Variants in CPSF7 observed in about 807,000 individuals in gnomAD.
The protein encoded by CPSF7 is cleavage and polyadenylation specificity factor subunit 7.
CPSF7 carries 1 observed loss-of-function variant against 44.3 expected under a neutral mutation model. That is an observed-to-expected ratio of 0.02 (90% CI 0.01 to 0.11). The LOEUF (loss-of-function observed/expected upper bound fraction) is 0.11, where lower values mean the gene tolerates loss of function less well. Among genes scored for constraint, CPSF7 ranks in the 10% least tolerant of loss-of-function variants. The pLI is 1.00. For synonymous variants in CPSF7, 202 were observed against 222.0 expected (o/e 0.91, Z 0.80); for missense variants, 443 against 607.2 (o/e 0.73, Z 2.84).
At chr11:61,412,100 C>T (rs1859905365) in intron 7 of CPSF7, among the ~76,000 whole-genome samples, 163 bp from the exon 8 acceptor site, 1 of 152,140 alleles carries the variant, frequency 6.6e-6, no homozygotes, top group Non-Finnish European at 1.5e-5. Context: ...CTGGATGACA[C>T]CTATATTCCA....
intron 7 of CPSF7, among the ~76,000 whole-genome samples, chr11:61,412,453 C>A (rs950760106): frequency 3.3e-5 from 5 of 152,222 alleles, no homozygotes; most frequent in African/African-American, 9.6e-5. Flanking sequence ...CCACACCCAG[C>A]TAATGTTTTG....
At chr11:61,414,655 G>T (rs1860151404) in intron 7 of CPSF7, among the ~76,000 whole-genome samples, 1 of 152,206 alleles carries the variant, frequency 6.6e-6, no homozygotes, top group Non-Finnish European at 1.5e-5. Flanking sequence ...TTACATTCAT[G>T]TAGGAAACTC....
chr11:61,417,984 G>A (rs1039288843), intron 5 of CPSF7, among the ~76,000 whole-genome samples: 2 of 152,184 alleles, frequency 1.3e-5, no homozygotes, highest in South Asian at 4.1e-4. Context: ...GAAGTAGAAC[G>A]TTACCCCCAA....
Position 61,403,635 on chromosome 11 carries a change from G to A in CPSF7, c.*1075C>T, listed in dbSNP as rs1025830479. 1 of 152,168 alleles carries A rather than the reference G, an allele frequency of 6.6e-6. No individual in the cohort carries two copies. Among genetic ancestry groups the A allele is most frequent in the Non-Finnish European group, 1.5e-5 (1 of 68,042 alleles). 9.4% of individuals were successfully genotyped at this position (152,168 alleles called of 1,614,324 possible). A position where few individuals can be genotyped will look rare whatever the true frequency, so the allele number is the denominator to read the frequency against. ...TGACTTTACCTGCCTACTAGTGCCA[G>A]GTTATCCCACAATAAGTAAAAGTAT... On this transcript the variant is annotated 3_prime_UTR_variant, in exon 10 of 10. Coordinates refer to ENST00000439958, the MANE Select transcript of CPSF7 (RefSeq NM_001142565.3).
At chr11:61,421,336 C>A in intron 3 of CPSF7, 54 bp downstream of exon 3, 1 of 1,443,956 alleles carries the variant, frequency 6.9e-7, no homozygotes, top group Non-Finnish European at 9.7e-7. Flanking sequence ...GCCATCACCT[C>A]CCAGTGCTCT....
intron 2 of CPSF7, chr11:61,427,469 A>G (rs1162470716): frequency 6.6e-6 from 1 of 152,094 alleles, no homozygotes; most frequent in Admixed American, 6.6e-5. Context: ...CCTGGCCAAC[A>G]TGGTGAAACC....
chr11:61,416,081 T>C, intron 6 of CPSF7, 24 bp downstream of exon 6: 1 of 1,488,784 alleles, frequency 6.7e-7, no homozygotes, highest in Non-Finnish European at 8.9e-7. Flanking sequence ...CTGGCTCAAA[T>C]CTGAAAGGAA....
At chr11:61,410,853 T>C in intron 9 of CPSF7, 85 bp downstream of exon 9, 1 of 1,384,316 alleles carries the variant, frequency 7.2e-7, no homozygotes, top group Non-Finnish European at 9.7e-7. Context: ...GCATTTACTT[T>C]TGCTTTAAAG....
rs1463850199 is a variant in CPSF7, at chr11:61,421,393, G to C, written c.270C>G (p.Ser90=). The C allele has an allele frequency of 3.7e-6, 6 of 1,613,872 alleles. No individual in the cohort carries two copies. The highest frequency in any genetic ancestry group is 5.1e-6 in the Non-Finnish European group (6 of 1,179,800). Residue 90 remains serine, a synonymous_variant, in exon 3 of 10, where the codon TCC becomes TCG. Coordinates refer to ENST00000439958, the MANE Select transcript of CPSF7 (RefSeq NM_001142565.3). ...ATTTTTGGTTACCCACACTCACCCA[G>C]GAGAAGCTGCCCACATAAACGGCAG... ...RRAAVYVGSF[S]WWTTDQQLIQ...
At position 61,411,124 on chromosome 11, in the gene CPSF7, A is replaced by C. The variant is rs1490124325; in HGVS notation, c.1227-19T>G. 3 of 1,592,974 alleles carry C rather than the reference A, an allele frequency of 1.9e-6. No individual in the cohort carries two copies. Among genetic ancestry groups the C allele is most frequent in the Non-Finnish European group, 2.6e-6 (3 of 1,172,354 alleles). ...TCTTTTCCTATTAGAAAGATCCTTC[A>C]GCCTCACTCAGAAGGCCTACCACTT... On this transcript the variant is annotated intron_variant, in intron 8 of 9. Coordinates refer to ENST00000439958, the MANE Select transcript of CPSF7 (RefSeq NM_001142565.3).
chr11:61,406,751 T>C (rs1859364482), intron 9 of CPSF7, among the ~76,000 whole-genome samples: 1 of 152,216 alleles, frequency 6.6e-6, no homozygotes, highest in African/African-American at 2.4e-5. Context: ...TTTTTATTAC[T>C]ATTTTTTTTG....
chr11:61,415,199 C>T (rs536372771), intron 7 of CPSF7, among the ~76,000 whole-genome samples: 1 of 152,324 alleles, frequency 6.6e-6, no homozygotes, highest in South Asian at 2.1e-4. Flanking sequence ...GATTGCACCA[C>T]TGCACTCCAG....
intron 3 of CPSF7, 21 bp from the exon 4 acceptor site, chr11:61,420,594 A>C: frequency 6.3e-7 from 1 of 1,595,816 alleles, no homozygotes; most frequent in Non-Finnish European, 8.6e-7. Context: ...CAAGATGGAA[A>C]AGGAAGAGAT....
intron 3 of CPSF7, chr11:61,420,806 C>T (rs1231922803): frequency 1.8e-6 from 1 of 571,140 alleles, no homozygotes; most frequent in African/African-American, 1.9e-5. Context: ...CTTATTGTAA[C>T]TTTGACTGCC....
At chr11:61,410,359 T>C (rs917379721) in intron 9 of CPSF7, among the ~76,000 whole-genome samples, 22 of 152,140 alleles carry the variant, frequency 1.4e-4, no homozygotes, top group African/African-American at 5.3e-4. Flanking sequence ...GCTGGGATCA[T>C]AGGTGTGAGC....
At chr11:61,429,548 G>A (rs982823653) in intron 1 of CPSF7, 7 of 589,878 alleles carry the variant, frequency 1.2e-5, no homozygotes, top group African/African-American at 2.0e-5. Context: ...CGACGGAAAA[G>A]TCCCACCCTC....
At chr11:61,415,196 C>T (rs1860209551) in intron 7 of CPSF7, among the ~76,000 whole-genome samples, 1 of 152,174 alleles carries the variant, frequency 6.6e-6, no homozygotes, top group African/African-American at 2.4e-5. Flanking sequence ...CAAGATTGCA[C>T]CACTGCACTC....
intron 7 of CPSF7, among the ~76,000 whole-genome samples, chr11:61,412,175 T>C (rs1448864115): frequency 4.6e-5 from 7 of 152,218 alleles, no homozygotes; most frequent in African/African-American, 7.2e-5. Context: ...CAGGGGCTAT[T>C]TGACATCTAT....
chr11:61,425,905 T>A (rs981701970), intron 2 of CPSF7, among the ~76,000 whole-genome samples: 3 of 152,172 alleles, frequency 2.0e-5, no homozygotes, highest in African/African-American at 7.2e-5. Context: ...AGTAGCTCAA[T>A]AAATAAATAC....
Sources: gnomAD v4.1 joint callset for allele counts (sites outside exome capture counted in the v4.1 genomes callset) on GRCh38, gnomAD v4.1.1 for gene constraint, MANE v1.5 for transcripts, NCBI Gene and HGNC (gene_info 2026-07-23, HGNC 2026-07-21) for gene names.